The following OSBPL1A variants were observed in gnomAD, a reference collection of about 807,000 sequenced individuals.
The protein encoded by OSBPL1A is oxysterol binding protein like 1A, also known as oxysterol-binding protein-related protein 1.
Under a neutral mutation model 137.1 loss-of-function variants are expected in OSBPL1A, and 80 were observed. The ratio of observed to expected loss-of-function variants is 0.58; its 90% CI spans 0.49 to 0.70. OSBPL1A has a LOEUF of 0.70. Among genes scored for constraint, OSBPL1A ranks in the 30% least tolerant of loss-of-function variants. The probability of loss-of-function intolerance (pLI) is 0.00; values close to 1 mark genes in which losing one functional copy is unlikely to be tolerated. For synonymous variants in OSBPL1A, 365 were observed against 389.7 expected, an observed-to-expected ratio of 0.94 and a Z score of 0.75; for missense variants, 970 against 1,129.4, an observed-to-expected ratio of 0.86 and a Z score of 2.02.
At chr18:24,382,098 C>CA (rs1333112850) in intron 1 of OSBPL1A, among the ~76,000 whole-genome samples, 3 of 151,368 alleles carry the variant, frequency 2.0e-5, no homozygotes, top group Non-Finnish European at 4.4e-5. Flanking sequence ...TATAAAAATA[C>CA]AAAAAATCAG....
intron 4 of OSBPL1A, among the ~76,000 whole-genome samples, chr18:24,361,670 T>A (rs2091622463): frequency 6.6e-6 from 1 of 152,096 alleles, no homozygotes; most frequent in Non-Finnish European, 1.5e-5. Flanking sequence ...AAACAAGACA[T>A]GATAATTCCT....
chr18:24,197,947 C>A (rs1260935427), intron 17 of OSBPL1A, among the ~76,000 whole-genome samples: 2 of 151,786 alleles, frequency 1.3e-5, no homozygotes, highest in African/African-American at 4.8e-5. Flanking sequence ...CCACCATGCC[C>A]GGCTAATTTT....
At chr18:24,283,518 A>G (rs2090007637) in intron 14 of OSBPL1A, among the ~76,000 whole-genome samples, 1 of 151,994 alleles carries the variant, frequency 6.6e-6, no homozygotes, top group Admixed American at 6.6e-5. Flanking sequence ...AACCTCTGAT[A>G]CACATTGTGA....
At chr18:24,379,128 G>T (rs1373460849) in intron 1 of OSBPL1A, among the ~76,000 whole-genome samples, 1 of 152,088 alleles carries the variant, frequency 6.6e-6, no homozygotes, top group South Asian at 2.1e-4. Context: ...AAGAACTTTG[G>T]AAATAAAAAT....
chr18:24,256,907 G>A (rs778496702), intron 15 of OSBPL1A, among the ~76,000 whole-genome samples: 1 of 125,900 alleles, frequency 7.9e-6, no homozygotes, highest in Non-Finnish European at 1.6e-5. Flanking sequence ...AACCAAAGAA[G>A]TGAAAGATCT....
intron 14 of OSBPL1A, chr18:24,302,754 CATAAT>C (rs1014867578): frequency 2.6e-5 from 4 of 151,972 alleles, no homozygotes; most frequent in African/African-American, 9.7e-5. Context: ...CTTGAGAACT[CATAAT>C]AGAGAATGAA....
At chr18:24,236,830 A>G (rs1335704774) in intron 16 of OSBPL1A, among the ~76,000 whole-genome samples, 2 of 152,198 alleles carry the variant, frequency 1.3e-5, no homozygotes, top group African/African-American at 4.8e-5. Flanking sequence ...TCTAGGGACT[A>G]TGGTTCTTTT....
chr18:24,253,294 C>T (rs1281651981), intron 15 of OSBPL1A, among the ~76,000 whole-genome samples: 2 of 151,830 alleles, frequency 1.3e-5, no homozygotes, highest in African/African-American at 4.8e-5. Context: ...TTTCCATGTC[C>T]ATGGAAACCA....
intron 15 of OSBPL1A, among the ~76,000 whole-genome samples, chr18:24,253,290 T>G (rs1351940566): frequency 6.6e-6 from 1 of 151,898 alleles, no homozygotes; most frequent in East Asian, 1.9e-4. Flanking sequence ...GACATTTCCA[T>G]GTCCATGGAA....
chr18:24,318,885 C>A, intron 7 of OSBPL1A, 76 bp from the exon 8 acceptor site: 1 of 1,152,688 alleles, frequency 8.7e-7, no homozygotes, highest in Non-Finnish European at 1.3e-6. Context: ...ACTGCAGCAT[C>A]TAATAGTCCT....
intron 1 of OSBPL1A, among the ~76,000 whole-genome samples, chr18:24,378,464 A>G (rs1356344626): frequency 1.3e-5 from 2 of 152,222 alleles, no homozygotes; most frequent in Admixed American, 6.5e-5. Context: ...CTAGAAATCT[A>G]TCCTGCAAAA....
intron 15 of OSBPL1A, among the ~76,000 whole-genome samples, chr18:24,274,406 T>A (rs1194556506): frequency 6.6e-6 from 1 of 152,078 alleles, no homozygotes; most frequent in East Asian, 1.9e-4. Context: ...GCTTCTGATA[T>A]AAGCATATGT....
intron 21 of OSBPL1A, among the ~76,000 whole-genome samples, chr18:24,176,076 T>C (rs1200018757): frequency 1.3e-5 from 2 of 152,262 alleles, no homozygotes; most frequent in African/African-American, 4.8e-5. Context: ...AATTGGGTAG[T>C]GGGAGTCCAT....
intron 13 of OSBPL1A, among the ~76,000 whole-genome samples, chr18:24,310,871 G>A (rs1240404544): frequency 1.3e-5 from 2 of 152,006 alleles, no homozygotes; most frequent in African/African-American, 4.8e-5. Flanking sequence ...TTTTTTACTT[G>A]TTTAATGTAA....
At chr18:24,283,436 T>C (rs2058858507) in intron 14 of OSBPL1A, among the ~76,000 whole-genome samples, 1 of 151,788 alleles carries the variant, frequency 6.6e-6, no homozygotes, top group African/African-American at 2.4e-5. Flanking sequence ...GCTTCTTTAA[T>C]AAAGCCCAAC....
intron 1 of OSBPL1A, 34 bp downstream of exon 1, chr18:24,397,621 G>C (rs1907852482): frequency 6.6e-6 from 1 of 152,268 alleles, no homozygotes; most frequent in South Asian, 2.1e-4. Flanking sequence ...AACCGGCCTC[G>C]AACTCCAGGC....
chr18:24,233,971 C>T (rs2088362934), intron 16 of OSBPL1A, among the ~76,000 whole-genome samples: 1 of 152,014 alleles, frequency 6.6e-6, no homozygotes, highest in South Asian at 2.1e-4. Context: ...ACAAACAAAA[C>T]ACAAGGAGGC....
intron 21 of OSBPL1A, among the ~76,000 whole-genome samples, chr18:24,173,511 C>G (rs911875241): frequency 1.3e-5 from 2 of 152,162 alleles, no homozygotes; most frequent in East Asian, 3.9e-4. Flanking sequence ...CTCCCGGGTT[C>G]AAGTGATTCT....
In OSBPL1A at chr18:24,366,976, A is replaced by C. The variant is rs769774170; in HGVS notation, c.208-10T>G. ...TCACTTCTGCACCAGCCTAGTAAAC[A>C]TGACCACTTTAAATACCAAGAAATA... On this transcript the variant is annotated splice_polypyrimidine_tract_variant and intron_variant, in intron 3 of 27. Coordinates refer to ENST00000319481, the MANE Select transcript of OSBPL1A (RefSeq NM_080597.4). 1 of 1,600,748 alleles carries C rather than the reference A, an allele frequency of 6.2e-7. No individual in the cohort carries two copies. Among genetic ancestry groups the C allele is most frequent in the Non-Finnish European group, 8.5e-7 (1 of 1,173,642 alleles).
Sources: allele counts gnomAD v4.1 joint callset (sites outside exome capture counted in the v4.1 genomes callset), GRCh38; gene constraint gnomAD v4.1.1; transcripts MANE v1.5; gene names NCBI Gene and HGNC (gene_info 2026-07-23, HGNC 2026-07-21).